SAXO1: variants seen among roughly 807,000 people sequenced by gnomAD.
SAXO1 encodes 4930500O09Rik.
Under a neutral mutation model 17.5 loss-of-function variants are expected in SAXO1, and 21 were observed. The ratio of observed to expected loss-of-function variants is 1.20; its 90% CI spans 0.85 to 1.72. SAXO1 has a LOEUF of 1.72. SAXO1 is among the 40% of genes most tolerant of loss of function. The probability of loss-of-function intolerance (pLI) is 0.00; values close to 1 mark genes in which losing one functional copy is unlikely to be tolerated. For missense variants in SAXO1, 843 were observed against 596.0 expected (o/e 1.41, Z -4.32); for synonymous variants, 274 against 216.5 (o/e 1.27, Z -2.33).
chr9:19,000,420 T>C (rs925531405), intron 1 of SAXO1, among the ~76,000 whole-genome samples: 7 of 151,810 alleles, frequency 4.6e-5, no homozygotes, highest in Non-Finnish European at 1.0e-4. Context: ...GCCCACAGTC[T>C]GGGAAGTGAG....
chr9:19,046,004 C>T (rs1052878105), intron 1 of SAXO1, among the ~76,000 whole-genome samples: 15 of 145,154 alleles, frequency 1.0e-4, no homozygotes, highest in African/African-American at 3.6e-4. Flanking sequence ...AGGAGAATCA[C>T]TTGAACCTGG....
intron 1 of SAXO1, among the ~76,000 whole-genome samples, chr9:18,962,496 T>C (rs1345670106): frequency 6.6e-6 from 1 of 152,220 alleles, no homozygotes; most frequent in Non-Finnish European, 1.5e-5. Context: ...GATGGGTGAA[T>C]TTGTTTAAGT....
At chr9:18,946,879 C>T (rs1831819503) in intron 2 of SAXO1, among the ~76,000 whole-genome samples, 1 of 152,038 alleles carries the variant, frequency 6.6e-6, no homozygotes, top group Admixed American at 6.6e-5. Flanking sequence ...CACTGGATGG[C>T]CTTAATCACA....
intron 2 of SAXO1, among the ~76,000 whole-genome samples, chr9:18,948,917 AT>A (rs1210238272): frequency 6.6e-6 from 1 of 152,144 alleles, no homozygotes; most frequent in Non-Finnish European, 1.5e-5. Flanking sequence ...CGAACAAGAT[AT>A]TTGCAAGCCA....
chr9:19,046,362 C>T (rs918306091), intron 1 of SAXO1, among the ~76,000 whole-genome samples: 1 of 151,930 alleles, frequency 6.6e-6, no homozygotes, highest in African/African-American at 2.4e-5. Flanking sequence ...AACAAAAAGA[C>T]AGAAATAGAA....
At chr9:18,944,409 T>A (rs903030582) in intron 2 of SAXO1, among the ~76,000 whole-genome samples, 5 of 152,336 alleles carry the variant, frequency 3.3e-5, no homozygotes, top group African/African-American at 9.6e-5. Context: ...TCACACATAA[T>A]CTTACAGCCT....
chr9:19,006,937 C>T (rs568828790), intron 1 of SAXO1, among the ~76,000 whole-genome samples: 1 of 151,852 alleles, frequency 6.6e-6, no homozygotes, highest in East Asian at 1.9e-4. Context: ...CCCAGTTACT[C>T]GGGAGGCTGA....
chr9:19,024,381 G>A (rs1835382984), intron 1 of SAXO1, among the ~76,000 whole-genome samples: 2 of 150,174 alleles, frequency 1.3e-5, no homozygotes, highest in South Asian at 4.3e-4. Context: ...TCATAGGTGG[G>A]AACTGAACAA....
Position 19,033,117 on chromosome 9 carries a change from GGGCTTGCACGCGC to G in SAXO1, c.-222_-210del, listed in dbSNP as rs1445202970. 3 of 501,886 alleles carry G rather than the reference GGGCTTGCACGCGC, an allele frequency of 6.0e-6. No individual in the cohort carries two copies. Among genetic ancestry groups the G allele is most frequent in the African/African-American group, 5.9e-5 (3 of 50,556 alleles). 31.1% of individuals were successfully genotyped at this position (501,886 alleles called of 1,614,324 possible). On this transcript the variant is annotated 5_prime_UTR_variant, in exon 1 of 4. Transcript: ENST00000380534. Reference sequence around the variant, plus strand: ...TGGCCTAGCGCGAGGTAGCAGCAGGGGGCTTGCACGCGCGCCAGCCCGGGAGACCTCACCCTGC... The same window carrying G: ...TGGCCTAGCGCGAGGTAGCAGCAGGGGCCAGCCCGGGAGACCTCACCCTGC...
At chr9:19,018,972 G>C (rs537021950) in intron 1 of SAXO1, among the ~76,000 whole-genome samples, 13 of 152,228 alleles carry the variant, frequency 8.5e-5, no homozygotes, top group Admixed American at 2.6e-4. Flanking sequence ...AGCCAGGCTT[G>C]GTGGCGGGCA....
chr9:18,982,328 C>T (rs542335175), intron 1 of SAXO1, among the ~76,000 whole-genome samples: 3 of 152,204 alleles, frequency 2.0e-5, no homozygotes, highest in African/African-American at 7.2e-5. Context: ...CTTGGAATTC[C>T]GAGGCAATTT....
chr9:18,936,612 A>G (rs1831303906), intron 3 of SAXO1, among the ~76,000 whole-genome samples: 1 of 152,232 alleles, frequency 6.6e-6, no homozygotes, highest in South Asian at 2.1e-4. Flanking sequence ...TTTATTACCA[A>G]AAACCTCTAC....
chr9:19,039,877 T>G (rs1294175111), intron 1 of SAXO1, among the ~76,000 whole-genome samples: 11 of 152,038 alleles, frequency 7.2e-5, no homozygotes, highest in Non-Finnish European at 1.6e-4. Flanking sequence ...TACAGGCGCC[T>G]GCCACCACAC....
intron 1 of SAXO1, among the ~76,000 whole-genome samples, chr9:18,952,873 C>G: frequency 6.6e-6 from 1 of 152,166 alleles, no homozygotes; most frequent in African/African-American, 2.4e-5. Flanking sequence ...TTTTATACCC[C>G]TTTAATAAAA....
chr9:19,018,503 G>T (rs771407127), intron 1 of SAXO1, among the ~76,000 whole-genome samples: 4 of 152,170 alleles, frequency 2.6e-5, no homozygotes, highest in Admixed American at 6.5e-5. Flanking sequence ...GCAATGGAAC[G>T]TGTTTCAAAA....
chr9:19,045,118 G>A (rs1267461043), intron 1 of SAXO1, among the ~76,000 whole-genome samples: 1 of 150,280 alleles, frequency 6.7e-6, no homozygotes, highest in Admixed American at 6.6e-5. Flanking sequence ...AGACCATCCT[G>A]GCTAACAAGG....
intron 1 of SAXO1, among the ~76,000 whole-genome samples, chr9:18,985,792 A>T (rs547851154): frequency 2.0e-5 from 3 of 152,262 alleles, no homozygotes; most frequent in African/African-American, 7.2e-5. Flanking sequence ...TTAGCAAAAC[A>T]TAATTTCTTT....
chr9:19,008,958 T>C (rs544479986), intron 1 of SAXO1, among the ~76,000 whole-genome samples: 2 of 152,138 alleles, frequency 1.3e-5, no homozygotes, highest in African/African-American at 4.8e-5. Context: ...TTGAAAGCAA[T>C]TGATCATCTG....
At chr9:18,938,232 A>T (rs1831380638) in intron 3 of SAXO1, among the ~76,000 whole-genome samples, 1 of 152,206 alleles carries the variant, frequency 6.6e-6, no homozygotes, top group South Asian at 2.1e-4. Flanking sequence ...TCAGTAGGGA[A>T]GTCAGCCATT....
Sources: gnomAD v4.1 joint callset for allele counts (sites outside exome capture counted in the v4.1 genomes callset) on GRCh38, gnomAD v4.1.1 for gene constraint, MANE v1.5 for transcripts, NCBI Gene and HGNC (gene_info 2026-07-23, HGNC 2026-07-21) for gene names.